NXPH1: variants seen among roughly 807,000 people sequenced by gnomAD.
NXPH1 encodes neurexophilin-1.
A neutral mutation model predicts 23.7 loss-of-function variants in NXPH1; 5 were observed. That is an observed-to-expected ratio of 0.21 (90% CI 0.11 to 0.44). The LOEUF (loss-of-function observed/expected upper bound fraction) is 0.44, where lower values mean the gene tolerates loss of function less well. Among genes scored for constraint, NXPH1 ranks in the 20% least tolerant of loss-of-function variants. The pLI is 0.99. For missense variants in NXPH1, 324 were observed against 321.6 expected (o/e 1.01, Z -0.06); for synonymous variants, 144 against 122.2 (o/e 1.18, Z -1.18).
chr7:8,505,740 A>C (rs140151235), intron 2 of NXPH1, among the ~76,000 whole-genome samples: 246 of 152,214 alleles, frequency 1.6e-3, no homozygotes, highest in African/African-American at 5.4e-3. Context: ...AAGTTAGTTA[A>C]ATAACTATGT....
At chr7:8,595,279 TATAAA>T (rs1819197389) in intron 2 of NXPH1, among the ~76,000 whole-genome samples, 1 of 151,952 alleles carries the variant, frequency 6.6e-6, no homozygotes, top group African/African-American at 2.4e-5. Flanking sequence ...TATAAGAAAA[TATAAA>T]ATAAAGACAA....
intron 2 of NXPH1, among the ~76,000 whole-genome samples, chr7:8,461,534 T>G (rs528524491): frequency 6.6e-6 from 1 of 152,206 alleles, no homozygotes; most frequent in East Asian, 1.9e-4. Flanking sequence ...TTGCTCACTT[T>G]AAGAATAAAC....
intron 2 of NXPH1, among the ~76,000 whole-genome samples, chr7:8,706,511 A>T (rs1218248327): frequency 6.6e-6 from 1 of 152,198 alleles, no homozygotes; most frequent in Admixed American, 6.5e-5. Context: ...TCAGAGTGTG[A>T]AGATGTTGCA....
chr7:8,627,184 T>C (rs571735519), intron 2 of NXPH1, among the ~76,000 whole-genome samples: 3 of 152,246 alleles, frequency 2.0e-5, no homozygotes, highest in Non-Finnish European at 2.9e-5. Flanking sequence ...GTGGCCATTT[T>C]TATGTATATT....
intron 2 of NXPH1, among the ~76,000 whole-genome samples, chr7:8,735,246 T>C (rs1345613631): frequency 6.6e-6 from 1 of 152,186 alleles, no homozygotes; most frequent in African/African-American, 2.4e-5. Context: ...GCTTCTAGCT[T>C]GTGCCCATTC....
In NXPH1 at chr7:8,470,164, C is replaced by T. The variant is rs113301006; in HGVS notation, c.54+34397C>T. ...TTAAGCATCTAGAGTTGGCCATGGC[C>T]CAACATGTCAGGCTTACAAAGAAAA... On this transcript the variant is annotated intron_variant, in intron 2 of 2. Transcript: ENST00000405863. Among the ~76,000 whole-genome samples the T allele has an allele frequency of 3.5e-3, 535 of 152,152 alleles. 4 individuals carry two copies. Among genetic ancestry groups the T allele is most frequent in the Middle Eastern group, 0.014 (4 of 294 alleles).
At position 8,653,036 on chromosome 7, in the gene NXPH1, A is replaced by C. The variant is rs565837501; in HGVS notation, c.55-97972A>C. 2.6e-5 allele frequency among the ~76,000 whole-genome samples: 4 copies of C among 152,090 alleles called. No homozygotes were observed. In the East Asian group the frequency reaches 7.7e-4, roughly 29 times the overall value. ...TTTTGTTTATTTCCAGAAGTATTTA[A>C]AATTCATTTTGTCTCTTTTTAAGTT... On this transcript the variant is annotated intron_variant, in intron 2 of 2. Coordinates refer to ENST00000405863, the MANE Select transcript of NXPH1 (RefSeq NM_152745.3).
intron 2 of NXPH1, among the ~76,000 whole-genome samples, chr7:8,492,655 C>T (rs1187424745): frequency 2.0e-5 from 3 of 151,880 alleles, no homozygotes; most frequent in Non-Finnish European, 4.4e-5. Context: ...GAAGATGGCG[C>T]CATCATCATC....
intron 2 of NXPH1, among the ~76,000 whole-genome samples, chr7:8,441,929 G>A (rs964102056): frequency 8.4e-5 from 5 of 59,282 alleles, no homozygotes; most frequent in Admixed American, 4.2e-4. Flanking sequence ...CCGGCAGGGG[G>A]TCTGTGGGGG....
chr7:8,515,512 A>G (rs1453922299), intron 2 of NXPH1, among the ~76,000 whole-genome samples: 2 of 152,192 alleles, frequency 1.3e-5, no homozygotes, highest in Non-Finnish European at 2.9e-5. Context: ...CTTTGGAATC[A>G]AGAAAAGCTT....
At chr7:8,642,170 T>C (rs1221359536) in intron 2 of NXPH1, among the ~76,000 whole-genome samples, 2 of 152,194 alleles carry the variant, frequency 1.3e-5, no homozygotes, top group African/African-American at 4.8e-5. Context: ...TGAAGATCCT[T>C]TTTACGGGTA....
In NXPH1 at chr7:8,525,240, C is replaced by G. The variant is rs545572242; in HGVS notation, c.54+89473C>G. ...AGACTGGTGGCATTTTGCCCATGCC[C>G]TAGAGATTTTTGGAACTTTGAACTT... On this transcript the variant is annotated intron_variant, in intron 2 of 2. Coordinates refer to ENST00000405863, the MANE Select transcript of NXPH1 (RefSeq NM_152745.3). Among the ~76,000 whole-genome samples the G allele has an allele frequency of 1.1e-4, 16 of 152,260 alleles. No homozygotes were observed. In the South Asian group the frequency reaches 1.7e-3, roughly 16 times the overall value.
At position 8,752,390 on chromosome 7, in the gene NXPH1, T is replaced by C. The variant is rs1043399279; in HGVS notation, c.*621T>C. ...CATACAGTAGGCACATTCAAAGTGG[T>C]CCAAGATGGCTCTTTTTTCTTTGAA... On this transcript the variant is annotated 3_prime_UTR_variant, in exon 3 of 3. Transcript: ENST00000405863. 4 of 152,616 alleles carry C rather than the reference T, an allele frequency of 2.6e-5. No homozygotes were observed. Among genetic ancestry groups the C allele is most frequent in the African/African-American group, 9.7e-5 (4 of 41,416 alleles). 9.5% of individuals were successfully genotyped at this position (152,616 alleles called of 1,614,324 possible). A position where few individuals can be genotyped will look rare whatever the true frequency, so the allele number is the denominator to read the frequency against.
intron 2 of NXPH1, among the ~76,000 whole-genome samples, chr7:8,658,011 G>C (rs948116664): frequency 6.6e-6 from 1 of 152,314 alleles, no homozygotes; most frequent in South Asian, 2.1e-4. Context: ...CTGGGCAACA[G>C]AGCAAGACTC....
chr7:8,490,115 T>A (rs1817224745), intron 2 of NXPH1, among the ~76,000 whole-genome samples: 1 of 152,056 alleles, frequency 6.6e-6, no homozygotes, highest in Non-Finnish European at 1.5e-5. Context: ...TCTCAAGGCA[T>A]GTGCTTGATT....
chr7:8,458,372 T>C (rs546185470), intron 2 of NXPH1, among the ~76,000 whole-genome samples: 3 of 152,308 alleles, frequency 2.0e-5, no homozygotes, highest in South Asian at 2.1e-4. Context: ...AATTAACACA[T>C]TGATAGAGAA....
At chr7:8,586,415 C>T (rs1357733069) in intron 2 of NXPH1, among the ~76,000 whole-genome samples, 1 of 151,776 alleles carries the variant, frequency 6.6e-6, no homozygotes, top group Admixed American at 6.6e-5. Context: ...TGAACCAGTG[C>T]CAAATTGATT....
intron 2 of NXPH1, among the ~76,000 whole-genome samples, chr7:8,631,970 G>T (rs1203561837): frequency 6.6e-6 from 1 of 152,070 alleles, no homozygotes; most frequent in East Asian, 1.9e-4. Flanking sequence ...TGGTCTGAAG[G>T]AGGACACCAT....
rs757470409 is a variant in NXPH1, at chr7:8,435,723, G to T, written c.10G>T (p.Ala4Ser). ...TTTGAGACGCGGGAGAATGCAGGCT[G>T]CGTGCTGGTACGTGCTTTTCCTCCT... MQA[A>S]CWYVLFLLQP... Residue 4 changes from alanine to serine, a missense_variant, in exon 2 of 3, where the codon GCG (alanine) becomes TCG (serine). By Grantham distance (99) the Ala-to-Ser change is moderately conservative. Transcript: ENST00000405863. The surrounding 1 kb of genome is among the most constrained non-coding windows in gnomAD (Gnocchi z 5.9). 6.2e-7 allele frequency: 1 copy of T among 1,613,968 alleles called. No homozygotes were observed. Among genetic ancestry groups the T allele is most frequent in the Non-Finnish European group, 8.5e-7 (1 of 1,179,864 alleles).
Sources: allele counts gnomAD v4.1 joint callset (sites outside exome capture counted in the v4.1 genomes callset), GRCh38; gene constraint gnomAD v4.1.1; non-coding constraint Gnocchi (gnomAD v3.1); transcripts MANE v1.5; gene names NCBI Gene and HGNC (gene_info 2026-07-23, HGNC 2026-07-21).